ALMS1: variants seen among roughly 807,000 people sequenced by gnomAD.
ALMS1 encodes the protein ALMS1 centrosome and basal body associated protein.
Under a neutral mutation model 352.2 loss-of-function variants are expected in ALMS1, and 271 were observed. The ratio of observed to expected loss-of-function variants is 0.77; its 90% CI spans 0.70 to 0.85. The LOEUF (loss-of-function observed/expected upper bound fraction) is 0.85. Among genes scored for constraint, ALMS1 ranks in the 40% least tolerant of loss-of-function variants. The probability of loss-of-function intolerance (pLI) is 0.00; values close to 1 mark genes in which losing one functional copy is unlikely to be tolerated. For missense variants in ALMS1, 5,445 were observed against 4,870.7 expected (o/e 1.12, Z -3.51); for synonymous variants, 1,865 against 1,761.2 (o/e 1.06, Z -1.48).
In ALMS1 at chr2:73,440,137, C is replaced by T. The variant is rs145890381; in HGVS notation, c.1433-7823C>T. 9.6e-3 allele frequency among the ~76,000 whole-genome samples: 1,461 copies of T among 152,130 alleles called. 11 individuals are homozygous for T. The highest frequency in any genetic ancestry group is 0.015 in the Non-Finnish European group (1,001 of 68,010). On this transcript the variant is annotated intron_variant, in intron 7 of 22. Coordinates refer to ENST00000613296, the MANE Select transcript of ALMS1 (RefSeq NM_001378454.1). Reference sequence around the variant, plus strand: ...CTGGGATTACAGGTGTGTGCCATCACGCCTGGCTAATTGTTTTATATTTTT... The same window carrying T: ...CTGGGATTACAGGTGTGTGCCATCATGCCTGGCTAATTGTTTTATATTTTT...
intron 3 of ALMS1, 109 bp downstream of exon 3, chr2:73,419,427 C>G: frequency 2.9e-6 from 3 of 1,020,408 alleles, no homozygotes; most frequent in Non-Finnish European, 3.0e-6. Flanking sequence ...TCTGTAGAGA[C>G]CTACTCAGAG....
chr2:73,453,188 G>A lies in ALMS1; in HGVS notation c.6661G>A (p.Val2221Met). The change falls in exon 8 of 23, where the codon GTG becomes ATG. Residue 2221 changes from valine (V) to methionine (M), a missense_variant. Coordinates refer to ENST00000613296, the MANE Select transcript of ALMS1 (RefSeq NM_001378454.1). Reference sequence around the variant, plus strand: ...TGACTCCAGTGTTAGCTCAAATAATGTGCTTTTAAATTCTCAGGCTGATGA... The same window carrying A: ...TGACTCCAGTGTTAGCTCAAATAATATGCTTTTAAATTCTCAGGCTGATGA... ...SSDSSVSSNNVLLNSQADDRV... is the reference protein window; with the variant it reads ...SSDSSVSSNNMLLNSQADDRV... 1 of 1,614,016 alleles carries A rather than the reference G, an allele frequency of 6.2e-7. No individual in the cohort carries two copies. The highest frequency in any genetic ancestry group is 2.2e-5 in the East Asian group (1 of 44,866).
chr2:73,548,118 A>G (rs1379864607), intron 12 of ALMS1, among the ~76,000 whole-genome samples: 1 of 152,218 alleles, frequency 6.6e-6, no homozygotes, highest in Non-Finnish European at 1.5e-5. Context: ...CCTATTATAC[A>G]TCCACATAGA....
intron 9 of ALMS1, among the ~76,000 whole-genome samples, chr2:73,480,165 T>C (rs1046043400): frequency 2.6e-5 from 4 of 151,986 alleles, no homozygotes; most frequent in African/African-American, 7.3e-5. Context: ...CATGCTGGTG[T>C]GCTGCACCCA....
At chr2:73,422,808 A>G (rs748106204) in intron 3 of ALMS1, 49 bp from the exon 4 acceptor site, 1 of 1,437,966 alleles carries the variant, frequency 7.0e-7, no homozygotes, top group South Asian at 1.1e-5. Flanking sequence ...ACGTAAGTAA[A>G]TAATCAATTT....
chr2:73,543,900 C>CT lies in ALMS1; in HGVS notation c.9908-6363dup, dbSNP rs1294007113. Reference sequence around the variant, plus strand: ...GAGAGGAGGTGGAGAAATAAGAACACTTTTACACTGTTGGTGGGACTGTAA... The same window carrying CT: ...GAGAGGAGGTGGAGAAATAAGAACACTTTTTACACTGTTGGTGGGACTGTAA... On this transcript the variant is annotated intron_variant, in intron 12 of 22. Coordinates refer to ENST00000613296, the MANE Select transcript of ALMS1 (RefSeq NM_001378454.1). Among the ~76,000 whole-genome samples the CT allele has an allele frequency of 3.3e-5, 5 of 152,288 alleles. No individual in the cohort carries two copies. In the East Asian group the frequency reaches 7.7e-4, roughly 24 times the overall value.
Position 73,557,323 on chromosome 2 carries a change from A to G in ALMS1, c.10182A>G (p.Lys3394=). 6.2e-7 allele frequency: 1 copy of G among 1,614,170 alleles called. No homozygotes were observed. The highest frequency in any genetic ancestry group is 8.5e-7 in the Non-Finnish European group (1 of 1,180,016). Residue 3394 remains lysine, a synonymous_variant, in exon 14 of 23, where the codon AAA becomes AAG. Transcript: ENST00000613296. The part of the protein sequence containing the change: ...TRAVTEAAQA[K]EKESLQKDTA... ...CAGTGACTGAGGCTGCCCAGGCTAA[A>G]GAAAAAGAATCTTTGCAGAAAGATA...
chr2:73,484,613 T>C (rs932993382), intron 9 of ALMS1, among the ~76,000 whole-genome samples: 4 of 151,740 alleles, frequency 2.6e-5, no homozygotes, highest in African/African-American at 7.3e-5. Flanking sequence ...TGAATCTGAA[T>C]GTTGGCCTGC....
At position 73,447,982 on chromosome 2, in the gene ALMS1, A is replaced by G. The variant is rs1671840034; in HGVS notation, c.1455A>G (p.Ile485Met). 6.2e-7 allele frequency: 1 copy of G among 1,612,938 alleles called. No homozygotes were observed. Among genetic ancestry groups the G allele is most frequent in the East Asian group, 2.2e-5 (1 of 44,880 alleles). ...LKAGDTSKGG[I>M]AKVTQSNLKS... ...TAGGAGACACTTCTAAAGGAGGCAT[A>G]GCTAAAGTTACTCAATCCAACTTGA... The change falls in exon 8 of 23, where the codon ATA becomes ATG. Residue 485 changes from isoleucine (I) to methionine (M), a missense_variant. Physicochemically the swap from Ile to Met is conservative, Grantham distance 10. Coordinates refer to ENST00000613296, the MANE Select transcript of ALMS1 (RefSeq NM_001378454.1).
chr2:73,445,888 T>G (rs1009964714), intron 7 of ALMS1, among the ~76,000 whole-genome samples: 13 of 152,144 alleles, frequency 8.5e-5, no homozygotes, highest in Non-Finnish European at 1.6e-4. Context: ...TGTAGTAATA[T>G]TGTTAACACT....
rs538801878 is a variant in ALMS1 at position 73,465,106 on chromosome 2, G to A, written c.7674+9811G>A. Among the ~76,000 whole-genome samples, 331 of 150,618 alleles carry A rather than the reference G, an allele frequency of 2.2e-3. 1 individual carries two copies. Among genetic ancestry groups the A allele is most frequent in the African/African-American group, 7.5e-3 (309 of 41,310 alleles). On this transcript the variant is annotated intron_variant, in intron 9 of 22. Coordinates refer to ENST00000613296, the MANE Select transcript of ALMS1 (RefSeq NM_001378454.1). Reference sequence around the variant, plus strand: ...CAATGCCATCCCCATCAAGCTACCGGTGACTTTCTTCACAGAATTGGAAGA... The same window carrying A: ...CAATGCCATCCCCATCAAGCTACCGATGACTTTCTTCACAGAATTGGAAGA...
At chr2:73,438,998 TC>T in intron 7 of ALMS1, among the ~76,000 whole-genome samples, 1 of 78,322 alleles carries the variant, frequency 1.3e-5, no homozygotes, top group Admixed American at 1.2e-4. Flanking sequence ...TTCTTCTTCC[TC>T]TTCTTCCTCT....
At chr2:73,590,617 T>C (rs1052642383) in intron 16 of ALMS1, among the ~76,000 whole-genome samples, 1 of 152,064 alleles carries the variant, frequency 6.6e-6, no homozygotes, top group African/African-American at 2.4e-5. Context: ...TTCCTATTCA[T>C]TTTTGTAAAC....
intron 12 of ALMS1, among the ~76,000 whole-genome samples, chr2:73,543,329 G>C (rs1031585484): frequency 6.6e-6 from 1 of 152,182 alleles, no homozygotes; most frequent in Non-Finnish European, 1.5e-5. Flanking sequence ...AAAGCTGAAA[G>C]TGGATCCCTT....
rs767078704 is a variant in ALMS1 at position 73,424,819 on chromosome 2, G to A, written c.1154G>A (p.Ser385Asn). 119 of 1,609,844 alleles carry A rather than the reference G, an allele frequency of 7.4e-5. No individual in the cohort carries two copies. Among genetic ancestry groups the A allele is most frequent in the Non-Finnish European group, 9.9e-5 (117 of 1,177,252 alleles). ...ITDENIATKR[S>N]DHFDAARSYG... ...GATGAAAACATAGCTACTAAAAGAA[G>A]TGACCATTTTGATGCTGCTCGTTCA... Residue 385 changes from serine (S) to asparagine (N), a missense_variant, in exon 5 of 23, where the codon AGT becomes AAT. Physicochemically the swap from Ser to Asn is conservative, Grantham distance 46. Transcript: ENST00000613296.
rs1418434443 is a variant in ALMS1 at position 73,600,726 on chromosome 2, G to T, written c.11717G>T (p.Gly3906Val). 2 of 1,613,994 alleles carry T rather than the reference G, an allele frequency of 1.2e-6. No homozygotes were observed. Among genetic ancestry groups the T allele is most frequent in the East Asian group, 4.5e-5 (2 of 44,890 alleles). The change falls in exon 18 of 23, where the codon GGG (glycine) becomes GTG (valine). Residue 3906 changes from glycine to valine, a missense_variant. Coordinates refer to ENST00000613296, the MANE Select transcript of ALMS1 (RefSeq NM_001378454.1). ...GCCAAAAAACACACTCGAGATGTTG[G>T]GATAACTTTCCCAACTCCAAGTTCC... ...NGAKKHTRDV[G>V]ITFPTPSSSE...
chr2:73,456,613 A>G (rs188498646), intron 9 of ALMS1, among the ~76,000 whole-genome samples: 3 of 152,160 alleles, frequency 2.0e-5, no homozygotes, highest in Admixed American at 1.3e-4. Flanking sequence ...GATTCATACA[A>G]AGTTTCTTAG....
Position 73,453,814 on chromosome 2 carries a change from C to G in ALMS1, c.7287C>G (p.Asp2429Glu), listed in dbSNP as rs994637726. 1.9e-6 allele frequency: 3 copies of G among 1,613,962 alleles called. No individual in the cohort carries two copies. The African/African-American group carries it at 4.0e-5, about 22-fold the overall frequency. Residue 2429 changes from aspartate to glutamate, a missense_variant, in exon 8 of 23, where the codon GAC (aspartate) becomes GAG (glutamate). Asp to Glu is a conservative substitution (Grantham distance 45). Transcript: ENST00000613296. ...ASDGNGSCSW[D>E]SNLPESLESV... ...ATGGAAATGGTTCCTGCTCGTGGGA[C>G]AGTAATTTACCAGAGTCTTTGGAAT...
chr2:73,453,218 G>C lies in ALMS1; in HGVS notation c.6691G>C (p.Val2231Leu), dbSNP rs753960607. 6.2e-7 allele frequency: 1 copy of C among 1,614,032 alleles called. No individual in the cohort carries two copies. Among genetic ancestry groups the C allele is most frequent in the Non-Finnish European group, 8.5e-7 (1 of 1,179,982 alleles). ...VLLNSQADDR[V>L]VINKPESAGF... ...TTTAAATTCTCAGGCTGATGACAGAGTTGTAATAAATAAACCAGAATCTGC... is the reference window on the plus strand; with the variant it reads ...TTTAAATTCTCAGGCTGATGACAGACTTGTAATAAATAAACCAGAATCTGC... Residue 2231 changes from valine to leucine, a missense_variant, in exon 8 of 23, where the codon GTT (valine) becomes CTT (leucine). Coordinates refer to ENST00000613296, the MANE Select transcript of ALMS1 (RefSeq NM_001378454.1).
Sources: gnomAD v4.1 joint callset for allele counts (sites outside exome capture counted in the v4.1 genomes callset) on GRCh38, gnomAD v4.1.1 for gene constraint, MANE v1.5 for transcripts, NCBI Gene and HGNC (gene_info 2026-07-23, HGNC 2026-07-21) for gene names.